AFF3: variants seen among roughly 807,000 people sequenced by gnomAD.
The protein encoded by AFF3 is AF4/FMR2 family member 3.
A neutral mutation model predicts 129.7 loss-of-function variants in AFF3; 32 were observed. The ratio of observed to expected loss-of-function variants is 0.25; its 90% CI spans 0.19 to 0.33. The LOEUF is 0.33. AFF3 is among the 10% of genes least tolerant of loss of function. The pLI is 1.00. For missense variants in AFF3, 1,373 were observed against 1,592.0 expected (o/e 0.86, Z 2.34); for synonymous variants, 644 against 635.4 (o/e 1.01, Z -0.20).
chr2:99,844,383 A>C (rs1470709435), intron 7 of AFF3, among the ~76,000 whole-genome samples: 1 of 150,528 alleles, frequency 6.6e-6, no homozygotes, highest in Non-Finnish European at 1.5e-5. Flanking sequence ...CCTGTAACCA[A>C]TGCGTAATTT....
intron 8 of AFF3, among the ~76,000 whole-genome samples, chr2:99,796,748 G>A (rs945615174): frequency 1.3e-5 from 2 of 152,100 alleles, no homozygotes; most frequent in Non-Finnish European, 2.9e-5. Context: ...ATAACCTGAG[G>A]CTAGGGAAAG....
At chr2:99,746,131 A>C (rs564639454) in intron 9 of AFF3, among the ~76,000 whole-genome samples, 14 of 152,162 alleles carry the variant, frequency 9.2e-5, no homozygotes, top group Non-Finnish European at 1.9e-4. Flanking sequence ...AAAATAAAAA[A>C]AATTTAAATA....
chr2:99,886,759 A>C (rs1019489636), intron 7 of AFF3, among the ~76,000 whole-genome samples: 1 of 152,236 alleles, frequency 6.6e-6, no homozygotes, highest in African/African-American at 2.4e-5. Flanking sequence ...ACTGCTGCAG[A>C]AAAAATTCCA....
intron 2 of AFF3, among the ~76,000 whole-genome samples, chr2:100,120,560 A>G (rs1465463458): frequency 6.7e-6 from 1 of 149,070 alleles, no homozygotes; most frequent in East Asian, 1.9e-4. Flanking sequence ...TGGTTATTAC[A>G]TATCTGAGGA....
At chr2:99,758,238 C>T (rs900686529) in intron 8 of AFF3, among the ~76,000 whole-genome samples, 1 of 152,220 alleles carries the variant, frequency 6.6e-6, no homozygotes, top group Non-Finnish European at 1.5e-5. Flanking sequence ...ACCCTCCACA[C>T]TGCTGCAAAC....
intron 11 of AFF3, among the ~76,000 whole-genome samples, chr2:99,720,963 T>C (rs1020978730): frequency 2.0e-5 from 3 of 152,220 alleles, no homozygotes; most frequent in South Asian, 2.1e-4. Context: ...TATTTTGTTA[T>C]ATATTTTACA....
At chr2:99,597,135 T>C (rs1178722137) in intron 14 of AFF3, among the ~76,000 whole-genome samples, 2 of 152,228 alleles carry the variant, frequency 1.3e-5, no homozygotes. Context: ...GCTGCACAGC[T>C]ACCGGGCTCT....
intron 7 of AFF3, among the ~76,000 whole-genome samples, chr2:99,869,930 A>G (rs963477106): frequency 6.6e-6 from 1 of 152,240 alleles, no homozygotes; most frequent in Non-Finnish European, 1.5e-5. Flanking sequence ...AGACAATGGG[A>G]AACCTGCACT....
chr2:100,124,726 A>G (rs1275866980), intron 2 of AFF3, among the ~76,000 whole-genome samples: 1 of 152,202 alleles, frequency 6.6e-6, no homozygotes, highest in Non-Finnish European at 1.5e-5. Flanking sequence ...GACTTGGGGA[A>G]AATTAATCAA....
chr2:99,957,099 A>G (rs1217748144), intron 7 of AFF3, among the ~76,000 whole-genome samples: 2 of 152,216 alleles, frequency 1.3e-5, no homozygotes, highest in East Asian at 1.9e-4. Flanking sequence ...CTGTAACTGC[A>G]TGAACTGCAA....
chr2:99,642,699 C>A (rs181434507), intron 13 of AFF3, among the ~76,000 whole-genome samples: 1 of 152,322 alleles, frequency 6.6e-6, no homozygotes, highest in African/African-American at 2.4e-5. Context: ...CCGACCCCAG[C>A]CAAGCTGCTC....
intron 16 of AFF3, 78 bp downstream of exon 16, chr2:99,587,076 C>A (rs1390384877): frequency 1.9e-6 from 3 of 1,584,474 alleles, no homozygotes; most frequent in South Asian, 2.3e-5. Context: ...AAAGCCTGAC[C>A]CTCCTCCAAC....
At chr2:99,860,597 G>A (rs1690912006) in intron 7 of AFF3, among the ~76,000 whole-genome samples, 2 of 151,828 alleles carry the variant, frequency 1.3e-5, no homozygotes, top group African/African-American at 4.8e-5. Context: ...GCGTGGTGGT[G>A]TGCGCCTGTA....
chr2:100,132,662 G>A (rs958969157), intron 1 of AFF3, among the ~76,000 whole-genome samples: 4 of 152,040 alleles, frequency 2.6e-5, no homozygotes, highest in African/African-American at 7.2e-5. Flanking sequence ...CCAGACTCTC[G>A]CTGTCCACTA....
At chr2:99,604,773 T>C (rs1168971008) in intron 13 of AFF3, among the ~76,000 whole-genome samples, 1 of 152,206 alleles carries the variant, frequency 6.6e-6, no homozygotes, top group African/African-American at 2.4e-5. Flanking sequence ...AGGAAAGATA[T>C]GTGTTTCTCT....
chr2:99,869,033 CCTCTG>C (rs1691655153), intron 7 of AFF3, among the ~76,000 whole-genome samples: 2 of 66,576 alleles, frequency 3.0e-5, no homozygotes, highest in African/African-American at 3.9e-5. Flanking sequence ...TCAAGTGATC[CCTCTG>C]CCTCTGCCTC....
chr2:100,130,127 G>A (rs1016498219), intron 1 of AFF3, among the ~76,000 whole-genome samples: 11 of 152,178 alleles, frequency 7.2e-5, no homozygotes, highest in Admixed American at 4.6e-4. Flanking sequence ...AGTTGACAGC[G>A]TGTGGCACGT....
chr2:100,111,623 C>T (rs1272750740), intron 2 of AFF3, among the ~76,000 whole-genome samples: 1 of 152,154 alleles, frequency 6.6e-6, no homozygotes, highest in African/African-American at 2.4e-5. Flanking sequence ...GTGTCCTTGC[C>T]ACATACACAA....
At chr2:100,016,336 GTAGTGATAGTGATGGTGA>G (rs1683059319) in intron 4 of AFF3, among the ~76,000 whole-genome samples, 1 of 148,672 alleles carries the variant, frequency 6.7e-6, no homozygotes. Flanking sequence ...CATGTTAGTG[GTAGTGATAGTGATGGTGA>G]TGGTGGTAGT....
Sources: allele counts gnomAD v4.1 joint callset (sites outside exome capture counted in the v4.1 genomes callset), GRCh38; gene constraint gnomAD v4.1.1; transcripts MANE v1.5; gene names NCBI Gene and HGNC (gene_info 2026-07-23, HGNC 2026-07-21).